The following SPACA9 variants were observed in gnomAD, a reference collection of about 807,000 sequenced individuals.
SPACA9 encodes the protein sperm acrosome associated 9.
In SPACA9, 14 loss-of-function variants were observed where a neutral mutation model predicts 12.5. That is an observed-to-expected ratio of 1.12 (90% CI 0.74 to 1.75). The LOEUF (loss-of-function observed/expected upper bound fraction) is 1.75. SPACA9 is among the 40% of genes most tolerant of loss of function. The pLI is 0.00. For missense variants in SPACA9, 292 were observed against 291.9 expected (o/e 1.00, Z 0.00); for synonymous variants, 111 against 114.1 (o/e 0.97, Z 0.17).
chr9:132,885,428 A>G (rs1415632290), intron 2 of SPACA9, among the ~76,000 whole-genome samples: 1 of 149,476 alleles, frequency 6.7e-6, no homozygotes, highest in Non-Finnish European at 1.5e-5. Flanking sequence ...CATGAGAATC[A>G]CATGAACCCT....
At position 132,889,714 on chromosome 9, in the gene SPACA9, C is replaced by T. The variant is rs1844697297; in HGVS notation, c.*1103C>T. ...ACAGGTGTGAGCCACGGCACCTGGCCAGAACTCAGTAGTGTGTTTAGTTCT... is the reference window on the plus strand; with the variant it reads ...ACAGGTGTGAGCCACGGCACCTGGCTAGAACTCAGTAGTGTGTTTAGTTCT... On this transcript the variant is annotated 3_prime_UTR_variant, in exon 4 of 4. Coordinates refer to ENST00000356311, the MANE Select transcript of SPACA9 (RefSeq NM_001316897.2). 2 of 1,154,114 alleles carry T rather than the reference C, an allele frequency of 1.7e-6. No homozygotes were observed. The highest frequency in any genetic ancestry group is 3.2e-5 in the African/African-American group (2 of 62,482). 71.5% of individuals were successfully genotyped at this position (1,154,114 alleles called of 1,614,324 possible). A position where few individuals can be genotyped will look rare whatever the true frequency, so the allele number is the denominator to read the frequency against.
In SPACA9 at chr9:132,888,854, G is replaced by A. The variant is rs530009865; in HGVS notation, c.*243G>A. 3.5e-5 allele frequency: 31 copies of A among 891,680 alleles called. No individual in the cohort carries two copies. In the East Asian group the frequency reaches 4.8e-4, roughly 14 times the overall value. 55.2% of individuals were successfully genotyped at this position (891,680 alleles called of 1,614,324 possible). ...GCAACCTCGGCTCACTGCAACCTCC[G>A]CCTCCCAGGTTCACGCCATTCTCCT... On this transcript the variant is annotated 3_prime_UTR_variant, in exon 4 of 4. Coordinates refer to ENST00000356311, the MANE Select transcript of SPACA9 (RefSeq NM_001316897.2). This position sits in a 1 kb window ranked among gnomAD's most constrained non-coding sequence, Gnocchi z 5.0.
At chr9:132,881,290 A>G (rs1343380142) in intron 1 of SPACA9, among the ~76,000 whole-genome samples, 1 of 144,436 alleles carries the variant, frequency 6.9e-6, no homozygotes, top group Non-Finnish European at 1.5e-5. Flanking sequence ...AAAAAGAAAA[A>G]AAAGAAGAAA....
chr9:132,884,079 C>A lies in SPACA9; in HGVS notation c.132C>A (p.Ser44=). 6.2e-7 allele frequency: 1 copy of A among 1,613,560 alleles called. No homozygotes were observed. Among genetic ancestry groups the A allele is most frequent in the African/African-American group, 1.3e-5 (1 of 75,016 alleles). Residue 44 remains serine (S), a synonymous_variant, in exon 2 of 4, where the codon TCC becomes TCA. Transcript: ENST00000356311. ...CCCACGACAAGATCCGGCCCATCTC[C>A]AGCATTGGACAGGTGGGGCTCCCGA... The part of the protein sequence containing the change: ...ENAHDKIRPI[S]SIGQVQSYME...
Position 132,883,911 on chromosome 9 carries a change from A to AT in SPACA9, c.-35dup. ...ATCACTATCCTCTGTCTCCCCATAG[A>AT]TTCCTCTTCTCCTGTAAATGACCAC... is the stretch of plus-strand genomic sequence containing the variant. On this transcript the variant is annotated splice_region_variant and 5_prime_UTR_variant, in exon 2 of 4. Coordinates refer to ENST00000356311, the MANE Select transcript of SPACA9 (RefSeq NM_001316897.2). 6.2e-7 allele frequency: 1 copy of AT among 1,610,532 alleles called. No homozygotes were observed. Among genetic ancestry groups the AT allele is most frequent in the Non-Finnish European group, 8.5e-7 (1 of 1,176,880 alleles).
Position 132,887,550 on chromosome 9 carries a change from A to C in SPACA9, c.326A>C (p.Asp109Ala), listed in dbSNP as rs758863641. ...AAAACCCTCGTTAGCCAAAGCAACG[A>C]CTTAAGCAGCCTCAGAGCAAAGTAA... is the stretch of plus-strand genomic sequence containing the variant. ...KCKTLVSQSNDLSSLRAKYPH... is the reference protein window; with the variant it reads ...KCKTLVSQSNALSSLRAKYPH... The change falls in exon 3 of 4, where the codon GAC (aspartate) becomes GCC (alanine). Residue 109 changes from aspartate to alanine, a missense_variant. Coordinates refer to ENST00000356311, the MANE Select transcript of SPACA9 (RefSeq NM_001316897.2). This position sits in a 1 kb window ranked among gnomAD's most constrained non-coding sequence, Gnocchi z 5.4. The C allele has an allele frequency of 1.6e-5, 26 of 1,614,032 alleles. No individual in the cohort carries two copies. The East Asian group carries it at 5.6e-4, about 35-fold the overall frequency.
At position 132,883,978 on chromosome 9, in the gene SPACA9, A is replaced by G. The variant is rs1844495698; in HGVS notation, c.31A>G (p.Ile11Val). The change falls in exon 2 of 4, where the codon ATC (isoleucine) becomes GTC (valine). Residue 11 changes from isoleucine to valine, a missense_variant. Ile to Val is a conservative substitution (Grantham distance 29). Transcript: ENST00000356311. ...TGAGGTGAAAGAATCCCTTCGCAGCATCGAGCAGAAGTACAAGCTCTTCCA... is the reference window on the plus strand; with the variant it reads ...TGAGGTGAAAGAATCCCTTCGCAGCGTCGAGCAGAAGTACAAGCTCTTCCA... MNEVKESLRS[I>V]EQKYKLFQQQ... 6.2e-7 allele frequency: 1 copy of G among 1,614,116 alleles called. No homozygotes were observed. The highest frequency in any genetic ancestry group is 1.3e-5 in the African/African-American group (1 of 74,948).
intron 1 of SPACA9, among the ~76,000 whole-genome samples, chr9:132,882,401 C>T (rs1400532893): frequency 6.6e-6 from 1 of 152,078 alleles, no homozygotes; most frequent in Admixed American, 6.6e-5. Context: ...CTTGTGTTTC[C>T]TTTCATTCCT....
At chr9:132,880,047 G>A (rs1218945623) in intron 1 of SPACA9, among the ~76,000 whole-genome samples, 1 of 152,226 alleles carries the variant, frequency 6.6e-6, no homozygotes, top group Non-Finnish European at 1.5e-5. Context: ...GGAAGAAAAG[G>A]AAGCTGCCTC....
intron 2 of SPACA9, 88 bp downstream of exon 2, chr9:132,884,179 G>T: frequency 6.8e-7 from 1 of 1,460,182 alleles, no homozygotes; most frequent in Non-Finnish European, 9.3e-7. Context: ...CCAGAGAGGG[G>T]AAGGACGTTT....
At chr9:132,890,076 C>T (rs1162131082), downstream of SPACA9, 4 of 1,248,394 alleles carry the variant, frequency 3.2e-6, no homozygotes, top group African/African-American at 6.2e-5. Context: ...GAAAGAAAAC[C>T]TACATCTCCC....
At chr9:132,878,738 G>T, upstream of SPACA9, 3 of 986,724 alleles carry the variant, frequency 3.0e-6, no homozygotes, top group Non-Finnish European at 2.4e-6. This position sits in a 1 kb window ranked among gnomAD's most constrained non-coding sequence, Gnocchi z 4.7. Flanking sequence ...TTCGAGGATC[G>T]GGTGGAAATC....
intron 1 of SPACA9, among the ~76,000 whole-genome samples, chr9:132,883,483 C>A (rs555679053): frequency 3.9e-5 from 6 of 152,318 alleles, no homozygotes; most frequent in African/African-American, 1.4e-4. Context: ...GCTGACACCA[C>A]AGCAAGGGAT....
chr9:132,888,142 C>A lies in SPACA9; in HGVS notation c.348-148C>A. Reference sequence around the variant, plus strand: ...CACCCCAGGCCTGGTCTGCCAGAATCTCTGGGGACAGAGCGCCTCAGCGTG... The same window carrying A: ...CACCCCAGGCCTGGTCTGCCAGAATATCTGGGGACAGAGCGCCTCAGCGTG... On this transcript the variant is annotated intron_variant, in intron 3 of 3. Coordinates refer to ENST00000356311, the MANE Select transcript of SPACA9 (RefSeq NM_001316897.2). The surrounding 1 kb of genome is among the most constrained non-coding windows in gnomAD (Gnocchi z 5.0). The A allele has an allele frequency of 3.0e-6, 4 of 1,344,418 alleles. No homozygotes were observed. Among genetic ancestry groups the A allele is most frequent in the East Asian group, 2.5e-5 (1 of 40,186 alleles). 83.3% of individuals were successfully genotyped at this position (1,344,418 alleles called of 1,614,324 possible). A position where few individuals can be genotyped will look rare whatever the true frequency, so the allele number is the denominator to read the frequency against.
rs759044522 is a variant in SPACA9, at chr9:132,887,271, G to A, written c.145-98G>A. The A allele has an allele frequency of 2.0e-6, 2 of 1,008,922 alleles. No individual in the cohort carries two copies. Among genetic ancestry groups the A allele is most frequent in the Non-Finnish European group, 3.0e-6 (2 of 656,364 alleles). 62.5% of individuals were successfully genotyped at this position (1,008,922 alleles called of 1,614,324 possible). A position where few individuals can be genotyped will look rare whatever the true frequency, so the allele number is the denominator to read the frequency against. On this transcript the variant is annotated intron_variant, in intron 2 of 3. Transcript: ENST00000356311. The surrounding 1 kb of genome is among the most constrained non-coding windows in gnomAD (Gnocchi z 5.4). ...GTCTCCCCCATGAGTCATGTAGGGT[G>A]GGAGGGAGTAGGGTGGGTGCTTCTG...
chr9:132,887,456 A>C lies in SPACA9; in HGVS notation c.232A>C (p.Lys78Gln). 6.2e-7 allele frequency: 1 copy of C among 1,613,510 alleles called. No individual in the cohort carries two copies. Among genetic ancestry groups the C allele is most frequent in the Non-Finnish European group, 8.5e-7 (1 of 1,179,760 alleles). The change falls in exon 3 of 4, where the codon AAG becomes CAG. Residue 78 changes from lysine (K) to glutamine (Q), a missense_variant. Lys to Gln is a moderately conservative substitution (Grantham distance 53, BLOSUM62 1). Transcript: ENST00000356311. This position sits in a 1 kb window ranked among gnomAD's most constrained non-coding sequence, Gnocchi z 5.4. ...MFLDICSELN[K>Q]LCQHFEAVHS... The stretch of plus-strand genomic sequence containing the variant: ...CCTGGACATCTGTTCAGAGCTGAAT[A>C]AGCTCTGCCAGCACTTTGAGGCCGT...
rs1434158328 is a variant in SPACA9, at chr9:132,889,298, C to T, written c.*687C>T. ...GGGTGATCAAGCTGGAGACCATCTG[C>T]TCCTTGCCCCACCACCAGCCCCAAC... On this transcript the variant is annotated 3_prime_UTR_variant, in exon 4 of 4. Transcript: ENST00000356311. The T allele has an allele frequency of 5.1e-6, 5 of 985,666 alleles. No homozygotes were observed. Among genetic ancestry groups the T allele is most frequent in the Admixed American group, 6.1e-5 (1 of 16,280 alleles). 61.1% of individuals were successfully genotyped at this position (985,666 alleles called of 1,614,324 possible).
At chr9:132,882,756 C>T (rs1844461678) in intron 1 of SPACA9, among the ~76,000 whole-genome samples, 1 of 152,164 alleles carries the variant, frequency 6.6e-6, no homozygotes, top group African/African-American at 2.4e-5. Context: ...TCAGCACAGC[C>T]TTCTCTGACC....
rs1844671585 is a variant in SPACA9, at chr9:132,889,301, C to CT, written c.*692dup. ...TGATCAAGCTGGAGACCATCTGCTC[C>CT]TTGCCCCACCACCAGCCCCAACTGT... On this transcript the variant is annotated 3_prime_UTR_variant, in exon 4 of 4. Coordinates refer to ENST00000356311, the MANE Select transcript of SPACA9 (RefSeq NM_001316897.2). 2.0e-6 allele frequency: 2 copies of CT among 985,758 alleles called. No homozygotes were observed. The highest frequency in any genetic ancestry group is 3.5e-5 in the African/African-American group (2 of 57,394). 61.1% of individuals were successfully genotyped at this position (985,758 alleles called of 1,614,324 possible). A position where few individuals can be genotyped will look rare whatever the true frequency, so the allele number is the denominator to read the frequency against.
Sources: gnomAD v4.1 joint callset for allele counts (sites outside exome capture counted in the v4.1 genomes callset) on GRCh38, gnomAD v4.1.1 for gene constraint, Gnocchi (gnomAD v3.1) non-coding constraint, MANE v1.5 for transcripts, NCBI Gene and HGNC (gene_info 2026-07-23, HGNC 2026-07-21) for gene names.